The following ASZ1 variants were observed in gnomAD, a reference collection of about 807,000 sequenced individuals.
ASZ1 encodes the protein ankyrin repeat, SAM and basic leucine zipper domain-containing protein 1.
In ASZ1, 67 loss-of-function variants were observed where a neutral mutation model predicts 61.8. The ratio of observed to expected loss-of-function variants is 1.08; its 90% confidence interval spans 0.89 to 1.33. The LOEUF (loss-of-function observed/expected upper bound fraction) is 1.33, where lower values mean the gene tolerates loss of function less well. Ranked by LOEUF, ASZ1 falls within the 40% of genes most tolerant of loss-of-function variation. ASZ1 has a pLI of 0.00. For synonymous variants in ASZ1, 193 were observed against 192.7 expected (o/e 1.00, Z -0.01); for missense variants, 577 against 554.5 (o/e 1.04, Z -0.41).
At chr7:117,402,451 A>G (rs1219457085) in intron 4 of ASZ1, among the ~76,000 whole-genome samples, 1 of 152,182 alleles carries the variant, frequency 6.6e-6, no homozygotes, top group Non-Finnish European at 1.5e-5. Context: ...ATGATGATAT[A>G]TTTAGCTTCA....
intron 4 of ASZ1, among the ~76,000 whole-genome samples, chr7:117,394,832 ATACT>A (rs1796547686): frequency 6.6e-6 from 1 of 152,236 alleles, no homozygotes; most frequent in Admixed American, 6.5e-5. Flanking sequence ...TTCTACACAA[ATACT>A]TAGTTTTAAT....
At chr7:117,374,013 A>G (rs1260968763) in intron 10 of ASZ1, among the ~76,000 whole-genome samples, 4 of 152,110 alleles carry the variant, frequency 2.6e-5, no homozygotes, top group African/African-American at 9.7e-5. Context: ...AAGAGCTATT[A>G]TGTTATTCTG....
intron 10 of ASZ1, among the ~76,000 whole-genome samples, chr7:117,374,773 A>C (rs755144758): frequency 1.3e-5 from 2 of 152,062 alleles, no homozygotes; most frequent in African/African-American, 2.4e-5. Flanking sequence ...CTTACAGGGA[A>C]CTTGTATGTA....
chr7:117,412,897 C>T (rs1236147463), intron 4 of ASZ1, among the ~76,000 whole-genome samples: 1 of 151,576 alleles, frequency 6.6e-6, no homozygotes, highest in Non-Finnish European at 1.5e-5. Context: ...ATAAAAATGC[C>T]AACTCCAAAC....
intron 4 of ASZ1, among the ~76,000 whole-genome samples, chr7:117,395,228 T>C (rs1796554870): frequency 2.0e-5 from 3 of 152,182 alleles, no homozygotes; most frequent in Non-Finnish European, 2.9e-5. Context: ...CTTTCAAAAA[T>C]AACTTTATCA....
Position 117,403,238 on chromosome 7 carries a change from A to G in ASZ1, c.440+16925T>C, listed in dbSNP as rs544003138. 9.7e-4 allele frequency among the ~76,000 whole-genome samples: 147 copies of G among 152,258 alleles called. 1 individual carries two copies. The highest frequency in any genetic ancestry group is 3.5e-3 in the African/African-American group (144 of 41,546). Reference sequence around the variant, plus strand: ...TCCTATTTTCATCAGAAGGGAAGTGATATTTTAATTTCTGGTAATGTATTG... The same window carrying G: ...TCCTATTTTCATCAGAAGGGAAGTGGTATTTTAATTTCTGGTAATGTATTG... On this transcript the variant is annotated intron_variant, in intron 4 of 12. Transcript: ENST00000284629.
At chr7:117,368,207 G>A in intron 11 of ASZ1, 1 of 943,814 alleles carries the variant, frequency 1.1e-6, no homozygotes, top group East Asian at 1.1e-4. Flanking sequence ...GATTACGGAT[G>A]TGAGCCACTA....
Position 117,426,903 on chromosome 7 carries a change from C to T in ASZ1, c.138G>A (p.Lys46=). The T allele has an allele frequency of 6.2e-7, 1 of 1,612,878 alleles. No homozygotes were observed. Among genetic ancestry groups the T allele is most frequent in the Non-Finnish European group, 8.5e-7 (1 of 1,179,678 alleles). ...KLKRLLPIEE[K]KEKFKKAMTI... ...TCATTGCTTTCTTAAATTTTTCTTT[C>T]TTTTCTTCAATGGGTAATAGCCTTT... Residue 46 remains lysine (K), a synonymous_variant, in exon 2 of 13, where the codon AAG becomes AAA. Transcript: ENST00000284629.
chr7:117,419,208 A>C (rs1043423660), intron 4 of ASZ1, among the ~76,000 whole-genome samples: 1 of 152,186 alleles, frequency 6.6e-6, no homozygotes, highest in Non-Finnish European at 1.5e-5. Context: ...CAGGTATAAC[A>C]ATCAAAAATG....
At chr7:117,427,298 T>A in intron 1 of ASZ1, 58 bp downstream of exon 1, 1 of 1,573,212 alleles carries the variant, frequency 6.4e-7, no homozygotes, top group African/African-American at 1.3e-5. Context: ...GGGCCTCGCC[T>A]TCGAGGGCCA....
intron 11 of ASZ1, chr7:117,367,956 A>G: frequency 2.5e-6 from 2 of 813,938 alleles, no homozygotes; most frequent in Non-Finnish European, 3.0e-6. Flanking sequence ...ATCATGGCTC[A>G]CTGCTGCCTC....
At chr7:117,416,960 C>A (rs113778989) in intron 4 of ASZ1, among the ~76,000 whole-genome samples, 3 of 152,226 alleles carry the variant, frequency 2.0e-5, no homozygotes, top group African/African-American at 7.2e-5. Flanking sequence ...GATCTACAAA[C>A]CCCTAGAAAT....
intron 4 of ASZ1, among the ~76,000 whole-genome samples, chr7:117,402,749 C>T (rs569489081): frequency 6.6e-6 from 1 of 152,180 alleles, no homozygotes; most frequent in South Asian, 2.1e-4. Context: ...TGTGGTAGGA[C>T]GCGGGTAGTC....
chr7:117,387,300 C>A (rs897766896), intron 4 of ASZ1, among the ~76,000 whole-genome samples: 13 of 144,422 alleles, frequency 9.0e-5, no homozygotes, highest in Admixed American at 1.4e-4. Flanking sequence ...CAGAGTGAGA[C>A]CCTGTCTCAA....
chr7:117,410,367 A>C (rs1362001019), intron 4 of ASZ1, among the ~76,000 whole-genome samples: 1 of 151,758 alleles, frequency 6.6e-6, no homozygotes, highest in Admixed American at 6.6e-5. Context: ...ATAAATTCTG[A>C]GTCCAAGATC....
chr7:117,426,493 A>AAAAAAAAAAAAAAAAAAAAAAAAAG, intron 2 of ASZ1, among the ~76,000 whole-genome samples: 1 of 149,544 alleles, frequency 6.7e-6, no homozygotes, highest in Non-Finnish European at 1.5e-5. Context: ...CATCTCAAAA[A>AAAAAAAAAAAAAAAAAAAAAAAAAG]AAAAAAAAAA....
chr7:117,398,577 A>C (rs764500958), intron 4 of ASZ1, among the ~76,000 whole-genome samples: 2 of 152,220 alleles, frequency 1.3e-5, no homozygotes, highest in South Asian at 4.1e-4. Context: ...CTCTTGCAAT[A>C]ATCTTTTAAC....
intron 6 of ASZ1, 121 bp downstream of exon 6, chr7:117,384,605 A>G: frequency 8.5e-7 from 1 of 1,180,746 alleles, no homozygotes; most frequent in Non-Finnish European, 1.2e-6. Context: ...ATATTTAAAC[A>G]TTTAATAATT....
At chr7:117,373,556 T>C in intron 10 of ASZ1, among the ~76,000 whole-genome samples, 1 of 152,224 alleles carries the variant, frequency 6.6e-6, no homozygotes, top group Non-Finnish European at 1.5e-5. Context: ...CAGTTCAACT[T>C]TTCCTGCTGT....
Sources: allele counts gnomAD v4.1 joint callset (sites outside exome capture counted in the v4.1 genomes callset), GRCh38; gene constraint gnomAD v4.1.1; transcripts MANE v1.5; gene names NCBI Gene and HGNC (gene_info 2026-07-23, HGNC 2026-07-21).